GPHN: variants seen among roughly 807,000 people sequenced by gnomAD.
The protein encoded by GPHN is gephyrin.
Under a neutral mutation model 95.5 loss-of-function variants are expected in GPHN, and 17 were observed. That is an observed-to-expected ratio of 0.18 (90% confidence interval 0.12 to 0.27). GPHN has a LOEUF of 0.27. Ranked by LOEUF, GPHN falls within the 10% of genes least tolerant of loss-of-function variation. The pLI is 1.00. For synonymous variants in GPHN, 320 were observed against 322.5 expected (o/e 0.99, Z 0.08); for missense variants, 660 against 978.1 (o/e 0.67, Z 4.34).
the GPHN span, among the ~76,000 whole-genome samples, chr14:67,667,737 G>T: frequency 6.6e-6 from 1 of 152,148 alleles, no homozygotes; most frequent in Non-Finnish European, 1.5e-5. Flanking sequence ...GAGGTCAGGA[G>T]ATCGAGACCA....
the GPHN span, among the ~76,000 whole-genome samples, chr14:67,623,534 C>CTTT: frequency 0.017 from 1,404 of 82,938 alleles, 181 homozygotes; most frequent in African/African-American, 0.058. Flanking sequence ...CTCAGGTAAC[C>CTTT]TTTTTTTTTT....
chr14:67,073,612 C>G (rs988880144), intron 11 of GPHN, among the ~76,000 whole-genome samples: 3 of 152,074 alleles, frequency 2.0e-5, no homozygotes, highest in Admixed American at 1.3e-4. Flanking sequence ...ACATGAAACA[C>G]CAACCCAACT....
chr14:67,120,612 C>A (rs1016369676), intron 16 of GPHN, among the ~76,000 whole-genome samples: 1 of 152,082 alleles, frequency 6.6e-6, no homozygotes, highest in Non-Finnish European at 1.5e-5. Flanking sequence ...GTGGTCAATA[C>A]CCTGCTTTGA....
At chr14:66,823,437 TATA>T (rs1453593264) in intron 3 of GPHN, 2 of 152,218 alleles carry the variant, frequency 1.3e-5, no homozygotes, top group African/African-American at 4.8e-5. Flanking sequence ...GCACCTGTAT[TATA>T]ATAATCATTG....
intron 3 of GPHN, among the ~76,000 whole-genome samples, chr14:66,798,467 A>G (rs2060233128): frequency 6.6e-6 from 1 of 151,826 alleles, no homozygotes; most frequent in Admixed American, 6.6e-5. Context: ...GAGATATTTT[A>G]TTACAGCTTT....
At chr14:67,485,981 C>T in the GPHN span, among the ~76,000 whole-genome samples, 1 of 152,250 alleles carries the variant, frequency 6.6e-6, no homozygotes, top group East Asian at 1.9e-4. Context: ...ACCAGCAGCA[C>T]ATGCATTGCT....
intron 11 of GPHN, among the ~76,000 whole-genome samples, chr14:67,075,932 A>G (rs1457422597): frequency 6.6e-6 from 1 of 152,230 alleles, no homozygotes; most frequent in Non-Finnish European, 1.5e-5. Context: ...GATTTAGAAT[A>G]TTACATAAAC....
chr14:67,177,970 AGATGGGTCTCCTGAATACAGCACACC>A (rs1382588341), intron 21 of GPHN, among the ~76,000 whole-genome samples: 1 of 152,090 alleles, frequency 6.6e-6, no homozygotes, highest in Non-Finnish European at 1.5e-5. Context: ...TTTGCATGTG[AGATGGGTCTCCTGAATACAGCACACC>A]GATGGGTCTT....
intron 10 of GPHN, among the ~76,000 whole-genome samples, chr14:67,047,003 C>G (rs1248664088): frequency 6.6e-6 from 1 of 152,054 alleles, no homozygotes; most frequent in Non-Finnish European, 1.5e-5. Flanking sequence ...AAAGCTATTC[C>G]TTATCTTAGG....
chr14:67,196,421 T>TGGCCA, the GPHN span, among the ~76,000 whole-genome samples: 1 of 152,002 alleles, frequency 6.6e-6, no homozygotes, highest in Non-Finnish European at 1.5e-5. Flanking sequence ...TTCACGACGT[T>TGGCCA]GGCCAGGCCA....
intron 1 of GPHN, among the ~76,000 whole-genome samples, chr14:66,560,404 C>A (rs537280203): frequency 6.6e-6 from 1 of 152,242 alleles, no homozygotes; most frequent in Non-Finnish European, 1.5e-5. Flanking sequence ...TTTGTATCCT[C>A]TTTTATTTCA....
At chr14:67,608,929 TGGG>T in the GPHN span, among the ~76,000 whole-genome samples, 1 of 152,194 alleles carries the variant, frequency 6.6e-6, no homozygotes, top group East Asian at 1.9e-4. Flanking sequence ...ACCAAGCGTA[TGGG>T]GGGCTTTCCC....
chr14:66,684,661 C>T (rs1160015062), intron 2 of GPHN, among the ~76,000 whole-genome samples: 2 of 151,952 alleles, frequency 1.3e-5, no homozygotes, highest in Non-Finnish European at 2.9e-5. Flanking sequence ...ATTGTGTGAA[C>T]ATGGCAGAGA....
the GPHN span, chr14:67,397,903 G>C: frequency 2.5e-6 from 3 of 1,197,552 alleles, no homozygotes; most frequent in Non-Finnish European, 3.5e-6. Context: ...GTGTCTGGTG[G>C]CACAAGTAAC....
chr14:67,509,292 A>G, the GPHN span, among the ~76,000 whole-genome samples: 2 of 151,254 alleles, frequency 1.3e-5, no homozygotes, highest in South Asian at 2.1e-4. Flanking sequence ...GTCTCCTTTT[A>G]ACTAGTTGTG....
the GPHN span, among the ~76,000 whole-genome samples, chr14:67,558,977 G>A: frequency 5.3e-5 from 8 of 152,350 alleles, no homozygotes; most frequent in South Asian, 1.7e-3. Context: ...AGGACTGGAT[G>A]TGGCCTGAAG....
chr14:67,716,196 C>CA, the GPHN span, among the ~76,000 whole-genome samples: 34,215 of 108,382 alleles, frequency 0.32, 4,334 homozygotes, highest in South Asian at 0.48. Context: ...GACTCCGTCT[C>CA]AAAAAAAAAA....
chr14:67,693,112 CCTGCAA>C, the GPHN span: 2 of 1,071,342 alleles, frequency 1.9e-6, no homozygotes, highest in Non-Finnish European at 2.8e-6. Context: ...CCAGTAGGTT[CCTGCAA>C]CTCCCTGTGT....
chr14:66,832,929 G>A (rs112624849), intron 4 of GPHN, among the ~76,000 whole-genome samples: 1,912 of 152,216 alleles, frequency 0.013, 19 homozygotes, highest in Non-Finnish European at 0.018. Context: ...AAAGAAGAAG[G>A]AAAATATATG....
Sources: gnomAD v4.1 joint callset for allele counts (sites outside exome capture counted in the v4.1 genomes callset) on GRCh38, gnomAD v4.1.1 for gene constraint, MANE v1.5 for transcripts, NCBI Gene and HGNC (gene_info 2026-07-23, HGNC 2026-07-21) for gene names.